The following GRM8 variants were observed in gnomAD, a reference collection of about 807,000 sequenced individuals.
GRM8 encodes the protein glutamate metabotropic receptor 8, also known as metabotropic glutamate receptor 8.
A neutral mutation model predicts 87.2 loss-of-function variants in GRM8; 47 were observed. That is an observed-to-expected ratio of 0.54 (90% CI 0.43 to 0.69). The LOEUF (loss-of-function observed/expected upper bound fraction) is 0.69, where lower values mean the gene tolerates loss of function less well. GRM8 is among the 30% of genes least tolerant of loss of function. The pLI, the probability that GRM8 is intolerant of heterozygous loss-of-function variation, is 0.00. For missense variants in GRM8, 1,019 were observed against 1,139.2 expected, an observed-to-expected ratio of 0.89 and a Z score of 1.52; for synonymous variants, 396 against 404.5, an observed-to-expected ratio of 0.98 and a Z score of 0.25.
At chr7:126,856,578 G>A (rs933463798) in intron 6 of GRM8, among the ~76,000 whole-genome samples, 1 of 152,172 alleles carries the variant, frequency 6.6e-6, no homozygotes, top group Non-Finnish European at 1.5e-5. Flanking sequence ...AAGTCAATCA[G>A]ACTACTGAAT....
intron 9 of GRM8, among the ~76,000 whole-genome samples, chr7:126,509,782 T>C (rs962976476): frequency 2.6e-5 from 4 of 151,992 alleles, no homozygotes; most frequent in African/African-American, 9.6e-5. Flanking sequence ...TAGGAGAAAA[T>C]ATTGGAGAAA....
chr7:127,094,248 G>C (rs749661623), intron 3 of GRM8, among the ~76,000 whole-genome samples: 8 of 152,152 alleles, frequency 5.3e-5, no homozygotes, highest in Non-Finnish European at 1.0e-4. Context: ...AATGACTTTG[G>C]AAAGGAAAAT....
chr7:126,439,219 T>C, intron 10 of GRM8, 51 bp from the exon 11 acceptor site: 2 of 985,012 alleles, frequency 2.0e-6, no homozygotes, highest in Middle Eastern at 2.4e-4. Context: ...AATACATCCT[T>C]TTGTTAATAT....
intron 2 of GRM8, among the ~76,000 whole-genome samples, chr7:127,193,762 T>C (rs538005093): frequency 4.5e-4 from 68 of 152,326 alleles, no homozygotes; most frequent in Admixed American, 1.8e-3. Flanking sequence ...AGGAAACTGC[T>C]TTCATAAGCT....
Position 126,617,094 on chromosome 7 carries a change from T to C in GRM8, c.1358-7596A>G, listed in dbSNP as rs890988784. Among the ~76,000 whole-genome samples, 36 of 152,176 alleles carry C rather than the reference T, an allele frequency of 2.4e-4. 1 individual carries two copies. Among genetic ancestry groups the C allele is most frequent in the African/African-American group, 7.5e-4 (31 of 41,438 alleles). On this transcript the variant is annotated intron_variant, in intron 7 of 10. Transcript: ENST00000339582. Reference sequence around the variant, plus strand: ...ACCAAAAAAGACAATTTTAGACCAATATCCCTGATGAACATCGCTGTGAAA... The same window carrying C: ...ACCAAAAAAGACAATTTTAGACCAACATCCCTGATGAACATCGCTGTGAAA...
At chr7:126,998,091 G>C (rs574135042) in intron 3 of GRM8, among the ~76,000 whole-genome samples, 1 of 151,486 alleles carries the variant, frequency 6.6e-6, no homozygotes, top group South Asian at 2.1e-4. Context: ...ACCAAGTGGG[G>C]TTTATCCCAG....
intron 3 of GRM8, among the ~76,000 whole-genome samples, chr7:127,100,951 A>G (rs981508506): frequency 2.0e-5 from 3 of 152,124 alleles, no homozygotes; most frequent in African/African-American, 7.2e-5. Flanking sequence ...ATGAGCTTTG[A>G]TCTATATCTC....
chr7:126,830,553 T>C (rs1795263773), intron 6 of GRM8, among the ~76,000 whole-genome samples: 1 of 152,242 alleles, frequency 6.6e-6, no homozygotes, highest in African/African-American at 2.4e-5. Context: ...TTCAGCTCCA[T>C]CAGCTCCTTT....
chr7:126,465,400 G>C (rs949810155), intron 9 of GRM8: 3 of 150,888 alleles, frequency 2.0e-5, no homozygotes, highest in African/African-American at 7.3e-5. Flanking sequence ...GATTAGGATT[G>C]CATTAATGTA....
chr7:126,492,077 G>C (rs534855135), intron 9 of GRM8, among the ~76,000 whole-genome samples: 2 of 151,792 alleles, frequency 1.3e-5, no homozygotes, highest in Non-Finnish European at 2.9e-5. Context: ...TTTTCTTTGA[G>C]GCAGGGTCTC....
At chr7:127,183,611 C>A (rs963473622) in intron 2 of GRM8, among the ~76,000 whole-genome samples, 3 of 151,278 alleles carry the variant, frequency 2.0e-5, no homozygotes, top group Admixed American at 6.6e-5. Context: ...ATAGTCTAAA[C>A]TTTCTCTAAA....
intron 3 of GRM8, among the ~76,000 whole-genome samples, chr7:127,094,859 G>A (rs1023293308): frequency 6.6e-6 from 1 of 152,218 alleles, no homozygotes; most frequent in African/African-American, 2.4e-5. Context: ...CTGGGAAAGA[G>A]ATTCAAACTA....
intron 3 of GRM8, among the ~76,000 whole-genome samples, chr7:127,050,223 T>C (rs891765745): frequency 6.6e-6 from 1 of 151,754 alleles, no homozygotes; most frequent in Non-Finnish European, 1.5e-5. Context: ...AGAGACAGGG[T>C]AGATGAAGGT....
intron 9 of GRM8, among the ~76,000 whole-genome samples, chr7:126,450,867 T>C (rs1802545533): frequency 1.3e-5 from 2 of 151,874 alleles, no homozygotes; most frequent in South Asian, 4.1e-4. Context: ...CTTCCTAGTT[T>C]CATTGCTTAG....
chr7:127,180,127 G>A (rs903416231), intron 2 of GRM8, among the ~76,000 whole-genome samples: 1 of 152,006 alleles, frequency 6.6e-6, no homozygotes, highest in African/African-American at 2.4e-5. Flanking sequence ...GAAAAGAAGA[G>A]AGAAAATCCA....
chr7:126,861,770 C>G (rs141905962), intron 6 of GRM8, among the ~76,000 whole-genome samples: 2 of 151,842 alleles, frequency 1.3e-5, no homozygotes, highest in African/African-American at 4.8e-5. Context: ...CTTACTAATT[C>G]GTTGGAGTTA....
At chr7:126,796,691 A>G (rs1294843614) in intron 6 of GRM8, among the ~76,000 whole-genome samples, 1 of 152,084 alleles carries the variant, frequency 6.6e-6, no homozygotes, top group African/African-American at 2.4e-5. Flanking sequence ...CTAGGAGAAC[A>G]CTAGCCCTCT....
chr7:126,555,127 C>T (rs1425951002), intron 8 of GRM8, among the ~76,000 whole-genome samples: 1 of 151,970 alleles, frequency 6.6e-6, no homozygotes, highest in Non-Finnish European at 1.5e-5. Flanking sequence ...ACAGAAACAC[C>T]AATAGAACAA....
At chr7:127,215,273 C>T (rs1796453672) in intron 2 of GRM8, 1 of 152,174 alleles carries the variant, frequency 6.6e-6, no homozygotes, top group Admixed American at 6.5e-5. Context: ...AGCCCTAAAC[C>T]TTCATGAGTT....
Sources: allele counts gnomAD v4.1 joint callset (sites outside exome capture counted in the v4.1 genomes callset), GRCh38; gene constraint gnomAD v4.1.1; transcripts MANE v1.5; gene names NCBI Gene and HGNC (gene_info 2026-07-23, HGNC 2026-07-21).